Variants in RBMS3 observed in about 807,000 individuals in gnomAD.
The protein encoded by RBMS3 is RNA binding motif single stranded interacting protein 3.
RBMS3 carries 27 observed loss-of-function variants against 66.8 expected under a neutral mutation model. The observed-to-expected ratio is 0.40, with a 90% CI of 0.30 to 0.56. The LOEUF (loss-of-function observed/expected upper bound fraction) is 0.56. Among genes scored for constraint, RBMS3 ranks in the 20% least tolerant of loss-of-function variants. The probability of loss-of-function intolerance (pLI) is 0.40; values close to 1 mark genes in which losing one functional copy is unlikely to be tolerated. For missense variants in RBMS3, 513 were observed against 549.5 expected (o/e 0.93, Z 0.66); for synonymous variants, 188 against 183.0 (o/e 1.03, Z -0.22).
chr3:29,645,553 G>A (rs952542653), intron 4 of RBMS3, among the ~76,000 whole-genome samples: 2 of 152,146 alleles, frequency 1.3e-5, no homozygotes, highest in Non-Finnish European at 2.9e-5. Context: ...TCATCATGAG[G>A]CAATGATTCC....
chr3:29,985,293 C>T (rs1047028604), intron 12 of RBMS3, among the ~76,000 whole-genome samples: 2 of 152,170 alleles, frequency 1.3e-5, no homozygotes, highest in African/African-American at 4.8e-5. Context: ...GAATTTCATG[C>T]CAGTGGATCT....
chr3:29,852,750 GC>G (rs1360456168), intron 6 of RBMS3, among the ~76,000 whole-genome samples: 1 of 152,134 alleles, frequency 6.6e-6, no homozygotes, highest in East Asian at 1.9e-4. Flanking sequence ...AAACAGTGTG[GC>G]AATTCTTCAA....
chr3:29,574,593 G>T (rs376395439), intron 3 of RBMS3, among the ~76,000 whole-genome samples: 2 of 151,802 alleles, frequency 1.3e-5, no homozygotes, highest in African/African-American at 2.4e-5. Context: ...TATTCTTTCC[G>T]TTTTGCTATT....
At chr3:29,928,792 C>A (rs2061024807) in intron 10 of RBMS3, among the ~76,000 whole-genome samples, 1 of 122,860 alleles carries the variant, frequency 8.1e-6, no homozygotes, top group African/African-American at 3.0e-5. Context: ...TGGTCACTTG[C>A]TCCTCTCTTC....
chr3:29,491,433 T>A (rs1043755305), intron 3 of RBMS3, among the ~76,000 whole-genome samples: 1 of 152,252 alleles, frequency 6.6e-6, no homozygotes, highest in Non-Finnish European at 1.5e-5. Context: ...CATCTCTCTT[T>A]GTTTTTTATA....
intron 1 of RBMS3, among the ~76,000 whole-genome samples, chr3:29,422,541 G>A (rs551761708): frequency 7.4e-4 from 112 of 152,096 alleles, no homozygotes; most frequent in Non-Finnish European, 1.5e-3. Flanking sequence ...AGTCCTCATA[G>A]AGGTTTATAA....
chr3:29,839,727 A>G (rs551629641), intron 6 of RBMS3, among the ~76,000 whole-genome samples: 2 of 152,030 alleles, frequency 1.3e-5, no homozygotes, highest in South Asian at 2.1e-4. Flanking sequence ...CACCAAAATG[A>G]TAATAGTCAT....
chr3:29,350,185 G>A (rs1449167804), intron 1 of RBMS3, among the ~76,000 whole-genome samples: 2 of 149,940 alleles, frequency 1.3e-5, no homozygotes, highest in Admixed American at 6.6e-5. Context: ...AAATCTAGTT[G>A]TTCATTTTGA....
intron 1 of RBMS3, among the ~76,000 whole-genome samples, chr3:29,344,277 G>A (rs1378267281): frequency 6.6e-6 from 1 of 152,172 alleles, no homozygotes; most frequent in African/African-American, 2.4e-5. Context: ...ACCAGGTGCT[G>A]TGCTAGGCAT....
intron 1 of RBMS3, among the ~76,000 whole-genome samples, chr3:29,340,115 G>A (rs895314995): frequency 2.0e-5 from 3 of 152,160 alleles, no homozygotes; most frequent in South Asian, 2.1e-4. Flanking sequence ...CATATAGGAA[G>A]ATATTTTGAT....
intron 4 of RBMS3, chr3:29,731,126 T>C (rs780089617): frequency 1.7e-4 from 111 of 667,040 alleles, no homozygotes; most frequent in Non-Finnish European, 2.0e-4. Context: ...CCTTAAAGAA[T>C]AGCCTAAATG....
chr3:29,315,797 A>C (rs2125477426), intron 1 of RBMS3, among the ~76,000 whole-genome samples: 1 of 151,892 alleles, frequency 6.6e-6, no homozygotes, highest in East Asian at 1.9e-4. Flanking sequence ...GTAGAATTGT[A>C]GAGTCGAAAG....
At chr3:29,532,256 ATATATG>A (rs374275520) in intron 3 of RBMS3, among the ~76,000 whole-genome samples, 3,428 of 61,096 alleles carry the variant, frequency 0.056, 112 homozygotes, top group African/African-American at 0.13. Context: ...GTATATATAT[ATATATG>A]TATATATATA....
chr3:29,731,144 G>A (rs1414972436), intron 4 of RBMS3: 1 of 493,490 alleles, frequency 2.0e-6, no homozygotes, highest in Admixed American at 6.4e-5. Context: ...ATGATCAGTG[G>A]TTCAACACTG....
chr3:29,825,008 G>C (rs1357404392), intron 6 of RBMS3, among the ~76,000 whole-genome samples: 1 of 149,274 alleles, frequency 6.7e-6, no homozygotes, highest in Non-Finnish European at 1.5e-5. Context: ...TCTTCAAACT[G>C]TTCTTAAAAT....
At chr3:29,933,291 T>C (rs921460685) in intron 10 of RBMS3, among the ~76,000 whole-genome samples, 7 of 152,300 alleles carry the variant, frequency 4.6e-5, no homozygotes, top group African/African-American at 1.4e-4. Flanking sequence ...ATGCTAACCA[T>C]AAGGCTTTTC....
intron 1 of RBMS3, among the ~76,000 whole-genome samples, chr3:29,343,376 A>T (rs765470558): frequency 2.2e-4 from 33 of 152,118 alleles, no homozygotes; most frequent in Non-Finnish European, 4.4e-4. Context: ...ACATTAATTG[A>T]CAAAGAAGAA....
chr3:29,415,939 G>T (rs893535020), intron 1 of RBMS3, among the ~76,000 whole-genome samples: 1 of 152,094 alleles, frequency 6.6e-6, no homozygotes, highest in African/African-American at 2.4e-5. Context: ...AGAGCCATCA[G>T]GAAAAGTGTC....
At chr3:29,351,690 A>G (rs1024217314) in intron 1 of RBMS3, among the ~76,000 whole-genome samples, 1 of 151,936 alleles carries the variant, frequency 6.6e-6, no homozygotes, top group African/African-American at 2.4e-5. Context: ...TTTGCTTATG[A>G]TATTTTTGCC....
Sources: allele counts gnomAD v4.1 joint callset (sites outside exome capture counted in the v4.1 genomes callset), GRCh38; gene constraint gnomAD v4.1.1; transcripts MANE v1.5; gene names NCBI Gene and HGNC (gene_info 2026-07-23, HGNC 2026-07-21).